AUNIP: variants seen among roughly 807,000 people sequenced by gnomAD.
The protein encoded by AUNIP is aurora kinase A and ninein interacting protein.
Under a neutral mutation model 12.2 loss-of-function variants are expected in AUNIP, and 16 were observed. The ratio of observed to expected loss-of-function variants is 1.31; its 90% CI spans 0.88 to 1.99. AUNIP has a LOEUF of 1.99. Among genes scored for constraint, AUNIP ranks in the 30% most tolerant of loss-of-function variants. AUNIP has a pLI of 0.00. For missense variants in AUNIP, 411 were observed against 419.1 expected, an observed-to-expected ratio of 0.98 and a Z score of 0.17; for synonymous variants, 142 against 154.8, an observed-to-expected ratio of 0.92 and a Z score of 0.61.
intron 1 of AUNIP, among the ~76,000 whole-genome samples, chr1:25,858,306 C>A (rs925353024): frequency 6.6e-6 from 1 of 152,140 alleles, no homozygotes; most frequent in Non-Finnish European, 1.5e-5. Flanking sequence ...GGCAAAATGC[C>A]TGACACATAG....
At chr1:25,832,470 C>G (rs1254950612), downstream of AUNIP, 18 of 379,900 alleles carry the variant, frequency 4.7e-5, no homozygotes, top group South Asian at 3.9e-4. Flanking sequence ...TGTTTGTATA[C>G]ATGTTCACAG....
At chr1:25,846,206 G>A (rs921501538) in intron 1 of AUNIP, among the ~76,000 whole-genome samples, 3 of 152,078 alleles carry the variant, frequency 2.0e-5, no homozygotes, top group African/African-American at 7.2e-5. Context: ...GATCACTTGA[G>A]GTAGGAGTTC....
rs1179983076 is a variant in AUNIP at position 25,835,178 on chromosome 1, C to G, written c.889G>C (p.Val297Leu). ...LFTEDSQGQR[V>L]IAHNTRAPFQ... ...GGAGCTCTAGTGTTGTGGGCAATGACCCGCTGGCCTTGAGAATCTTCAGTG... is the reference window on the plus strand; with the variant it reads ...GGAGCTCTAGTGTTGTGGGCAATGAGCCGCTGGCCTTGAGAATCTTCAGTG... Residue 297 changes from valine (V) to leucine (L), a missense_variant, in exon 3 of 3, where the codon GTC (valine) becomes CTC (leucine). Coordinates refer to ENST00000374298, the MANE Select transcript of AUNIP (RefSeq NM_024037.3). The G allele has an allele frequency of 2.5e-6, 4 of 1,614,196 alleles. No individual in the cohort carries two copies. The highest frequency in any genetic ancestry group is 3.4e-6 in the Non-Finnish European group (4 of 1,180,038).
rs57719994 is a variant in AUNIP, at chr1:25,846,416, CAAAAAAAAAAAA to C, written c.79-8874_79-8863del. On this transcript the variant is annotated intron_variant, in intron 1 of 2. Transcript: ENST00000374298. ...CGGGCAACAGAGTGAGACTCCATCT[CAAAAAAAAAAAA>C]AAAAAAAAAAAAAAGCCAGGTGTGG... 1.1e-3 allele frequency among the ~76,000 whole-genome samples: 33 copies of C among 29,844 alleles called. No homozygotes were observed. The East Asian group carries it at 0.026, about 23-fold the overall frequency. 19.6% of individuals were successfully genotyped at this position (29,844 alleles called of 152,430 possible). A position where few individuals can be genotyped will look rare whatever the true frequency, so the allele number is the denominator to read the frequency against.
chr1:25,859,328 G>A lies in AUNIP; in HGVS notation c.30C>T (p.Ala10=). 1 of 1,567,242 alleles carries A rather than the reference G, an allele frequency of 6.4e-7. No individual in the cohort carries two copies. The highest frequency in any genetic ancestry group is 1.2e-5 in the South Asian group (1 of 85,326). Residue 10 remains alanine, a synonymous_variant, in exon 1 of 3, where the codon GCC becomes GCT. Coordinates refer to ENST00000374298, the MANE Select transcript of AUNIP (RefSeq NM_024037.3). The part of the protein sequence containing the change: MRRTGPEEE[A]CGVWLDAAAL... ...CCGCCGCGTCCAGCCACACGCCGCA[G>A]GCCTCCTCCTCGGGGCCTGTCCGCC... is the stretch of plus-strand genomic sequence containing the variant.
chr1:25,838,477 TG>T (rs777853512), intron 1 of AUNIP, among the ~76,000 whole-genome samples: 3 of 151,034 alleles, frequency 2.0e-5, no homozygotes, highest in Non-Finnish European at 4.4e-5. Flanking sequence ...CACTCCAGCC[TG>T]GGCGACAGAG....
intron 1 of AUNIP, among the ~76,000 whole-genome samples, chr1:25,839,395 G>A (rs2048333112): frequency 6.6e-6 from 1 of 152,176 alleles, no homozygotes; most frequent in South Asian, 2.1e-4. Flanking sequence ...ACAAAGCCAG[G>A]CAATGAAACT....
In AUNIP at chr1:25,834,834, G is replaced by T; in HGVS notation, c.*159C>A. On this transcript the variant is annotated 3_prime_UTR_variant, in exon 3 of 3. Transcript: ENST00000374298. Reference sequence around the variant, plus strand: ...TGCCAATCCCACTGTCTTAACAATGGTACTGCCCTTTATTTACACAGAGAA... The same window carrying T: ...TGCCAATCCCACTGTCTTAACAATGTTACTGCCCTTTATTTACACAGAGAA... 6.8e-7 allele frequency: 1 copy of T among 1,461,954 alleles called. No homozygotes were observed. The highest frequency in any genetic ancestry group is 9.0e-7 in the Non-Finnish European group (1 of 1,114,588). The allele number at this position is 1,461,954 out of a possible 1,614,324, so 90.6% of individuals were successfully genotyped here.
downstream of AUNIP, chr1:25,832,143 C>A: frequency 2.5e-6 from 4 of 1,579,448 alleles, no homozygotes; most frequent in South Asian, 1.1e-5. Context: ...GTCTTGCTGA[C>A]AAGCTAGAGC....
intron 1 of AUNIP, among the ~76,000 whole-genome samples, chr1:25,843,546 C>G (rs549831814): frequency 8.2e-6 from 1 of 121,940 alleles, no homozygotes; most frequent in South Asian, 2.6e-4. Context: ...CACTTAAGCT[C>G]AGGAGTTTGA....
chr1:25,841,520 T>TA (rs2048347333), intron 1 of AUNIP, among the ~76,000 whole-genome samples: 1 of 151,902 alleles, frequency 6.6e-6, no homozygotes, highest in South Asian at 2.1e-4. Flanking sequence ...ATTGTATCTG[T>TA]GATCAGTGAT....
chr1:25,838,376 G>T lies in AUNIP; in HGVS notation c.79-822C>A, dbSNP rs372679624. Among the ~76,000 whole-genome samples, 50 of 152,226 alleles carry T rather than the reference G, an allele frequency of 3.3e-4. 1 individual carries two copies. The East Asian group carries it at 6.0e-3, about 18-fold the overall frequency. On this transcript the variant is annotated intron_variant, in intron 1 of 2. Coordinates refer to ENST00000374298, the MANE Select transcript of AUNIP (RefSeq NM_024037.3). ...AAATTAGCCAGGCGTGGTGGCAAGC[G>T]CCTGTAGCCCCAGCTACTTGGGAGG... is the stretch of plus-strand genomic sequence containing the variant.
downstream of AUNIP, chr1:25,832,912 C>G (rs2048265823): frequency 2.0e-5 from 3 of 152,382 alleles, no homozygotes; most frequent in African/African-American, 7.2e-5. Context: ...CACTACCTGA[C>G]ATTAAAGGAA....
At chr1:25,858,183 AAAT>A (rs1038731861) in intron 1 of AUNIP, among the ~76,000 whole-genome samples, 9 of 152,188 alleles carry the variant, frequency 5.9e-5, no homozygotes, top group South Asian at 2.1e-4. Context: ...TAATAATAAT[AAAT>A]AATAATAATA....
chr1:25,843,203 T>TATATATA (rs2048358460), intron 1 of AUNIP, among the ~76,000 whole-genome samples: 3 of 148,448 alleles, frequency 2.0e-5, no homozygotes, highest in Non-Finnish European at 3.0e-5. Context: ...TATATATATA[T>TATATATA]TTTACTGCTC....
intron 1 of AUNIP, among the ~76,000 whole-genome samples, chr1:25,840,428 CAG>C (rs890499539): frequency 3.3e-5 from 5 of 152,138 alleles, no homozygotes; most frequent in Non-Finnish European, 7.4e-5. Context: ...TGGAGGGGGA[CAG>C]AAAATATGTT....
chr1:25,835,465 A>AGCCATT lies in AUNIP; in HGVS notation c.596_601dup (p.Trp200_Leu201insGlnTrp). 1 of 1,614,242 alleles carries AGCCATT rather than the reference A, an allele frequency of 6.2e-7. No individual in the cohort carries two copies. The highest frequency in any genetic ancestry group is 2.2e-5 in the East Asian group (1 of 44,894). On this transcript the variant is annotated inframe_insertion, in exon 3 of 3. Coordinates refer to ENST00000374298, the MANE Select transcript of AUNIP (RefSeq NM_024037.3). Reference sequence around the variant, plus strand: ...CTGATAGTTCTTCTTAGACTCATGAAGCCATTCCCATTTCCTGGCAGAATC... The same window carrying AGCCATT: ...CTGATAGTTCTTCTTAGACTCATGAAGCCATTGCCATTCCCATTTCCTGGCAGAATC...
At position 25,835,321 on chromosome 1, in the gene AUNIP, G is replaced by C. The variant is rs1354599684; in HGVS notation, c.746C>G (p.Thr249Arg). The C allele has an allele frequency of 1.2e-6, 2 of 1,614,192 alleles. No homozygotes were observed. The highest frequency in any genetic ancestry group is 2.2e-5 in the South Asian group (2 of 91,082). ...TTCTCCATTCCAGGATTCCCTGTAT[G>C]TTTGAAGGAGGACAGGGGCCTGCCT... ...ENRQAPVLLQ[T>R]YRESWNGENI... Residue 249 changes from threonine (T) to arginine (R), a missense_variant, in exon 3 of 3, where the codon ACA becomes AGA. By Grantham distance (71) the Thr-to-Arg change is moderately conservative. Transcript: ENST00000374298.
intron 1 of AUNIP, among the ~76,000 whole-genome samples, chr1:25,839,465 C>A (rs912260969): frequency 4.6e-5 from 7 of 152,168 alleles, no homozygotes; most frequent in African/African-American, 1.4e-4. Flanking sequence ...GGGACATCTG[C>A]GTTCCCACTA....
Sources: gnomAD v4.1 joint callset for allele counts (sites outside exome capture counted in the v4.1 genomes callset) on GRCh38, gnomAD v4.1.1 for gene constraint, MANE v1.5 for transcripts, NCBI Gene and HGNC (gene_info 2026-07-23, HGNC 2026-07-21) for gene names.